Variants in RNF216 observed in about 807,000 individuals in gnomAD.
The protein encoded by RNF216 is E3 ubiquitin-protein ligase RNF216.
RNF216 carries 72 observed loss-of-function variants against 110.8 expected under a neutral mutation model. That is an observed-to-expected ratio of 0.65 (90% CI 0.54 to 0.79). The LOEUF is 0.79. RNF216 is among the 30% of genes least tolerant of loss of function. The pLI is 0.00. For missense variants in RNF216, 1,342 were observed against 1,141.2 expected, an observed-to-expected ratio of 1.18 and a Z score of -2.54; for synonymous variants, 495 against 407.5, an observed-to-expected ratio of 1.21 and a Z score of -2.59.
intron 1 of RNF216, among the ~76,000 whole-genome samples, chr7:5,764,772 G>C (rs1796114085): frequency 6.6e-6 from 1 of 152,030 alleles, no homozygotes; most frequent in Non-Finnish European, 1.5e-5. Context: ...TCTTTTTCAA[G>C]AGTAAGGGTA....
Position 5,721,101 on chromosome 7 carries a change from G to A in RNF216, c.1576C>T (p.Arg526Cys), listed in dbSNP as rs750372582. 1.1e-5 allele frequency: 18 copies of A among 1,613,894 alleles called. No individual in the cohort carries two copies. Among genetic ancestry groups the A allele is most frequent in the Middle Eastern group, 1.6e-4 (1 of 6,062 alleles). The change falls in exon 9 of 17, where the codon CGT becomes TGT. Residue 526 changes from arginine to cysteine, a missense_variant. Arg to Cys is a radical substitution (Grantham distance 180). Transcript: ENST00000389902. ...KRRHCRSYDR[R>C]ALLPAVQQEQ... is the part of the protein sequence containing the mutation. ...TGTTGCACAGCTGGAAGGAGAGCAC[G>A]TCGGTCATAGGACCTACAATGTCGT...
chr7:5,643,578 G>A (rs1787872968), intron 14 of RNF216, among the ~76,000 whole-genome samples: 1 of 152,130 alleles, frequency 6.6e-6, no homozygotes, highest in Non-Finnish European at 1.5e-5. Flanking sequence ...CTCTCTGGGA[G>A]CCATATTCTG....
At chr7:5,701,617 C>T (rs1022701445) in intron 13 of RNF216, among the ~76,000 whole-genome samples, 1 of 152,228 alleles carries the variant, frequency 6.6e-6, no homozygotes, top group African/African-American at 2.4e-5. Flanking sequence ...ATCAAGTATT[C>T]ACCCTATGTC....
At chr7:5,674,081 G>A (rs1289156085) in intron 13 of RNF216, among the ~76,000 whole-genome samples, 1 of 151,654 alleles carries the variant, frequency 6.6e-6, no homozygotes, top group Non-Finnish European at 1.5e-5. Flanking sequence ...CCAGGCTGGA[G>A]TGCAATGGCG....
intron 1 of RNF216, among the ~76,000 whole-genome samples, chr7:5,773,259 T>C (rs78336098): frequency 1.3e-5 from 2 of 152,076 alleles, no homozygotes; most frequent in East Asian, 1.9e-4. Flanking sequence ...TTTTTTTTTT[T>C]TGAGACAGAG....
At chr7:5,689,166 G>T (rs1264480245) in intron 13 of RNF216, among the ~76,000 whole-genome samples, 1 of 151,996 alleles carries the variant, frequency 6.6e-6, no homozygotes, top group African/African-American at 2.4e-5. Context: ...GGTGGAAGGG[G>T]GTCCTGGAGT....
chr7:5,780,295 G>A (rs1254977607), intron 1 of RNF216: 1 of 152,166 alleles, frequency 6.6e-6, no homozygotes, highest in Non-Finnish European at 1.5e-5. Flanking sequence ...AGGTGCATGT[G>A]AGGGCCACTG....
intron 1 of RNF216, among the ~76,000 whole-genome samples, chr7:5,777,241 A>G (rs760244555): frequency 2.6e-5 from 4 of 152,246 alleles, no homozygotes; most frequent in Admixed American, 1.3e-4. Flanking sequence ...AAAATGGCCC[A>G]GGTGAGCACT....
chr7:5,715,883 A>C (rs1793029185), intron 10 of RNF216, among the ~76,000 whole-genome samples: 1 of 150,974 alleles, frequency 6.6e-6, no homozygotes, highest in South Asian at 2.1e-4. Flanking sequence ...TGGGGATTAC[A>C]GGCACCCGCC....
intron 13 of RNF216, among the ~76,000 whole-genome samples, chr7:5,692,948 T>C (rs1439210404): frequency 6.6e-6 from 1 of 152,228 alleles, no homozygotes; most frequent in Non-Finnish European, 1.5e-5. Context: ...CAAATAGATT[T>C]TATGTCTGTG....
At chr7:5,729,405 C>A (rs753214122) in intron 7 of RNF216, 27 bp downstream of exon 7, 2 of 1,611,228 alleles carry the variant, frequency 1.2e-6, no homozygotes, top group Admixed American at 1.7e-5. Flanking sequence ...AGAGGTGTGA[C>A]CCCAACAGGA....
chr7:5,638,088 C>T (rs1322824627), intron 15 of RNF216, among the ~76,000 whole-genome samples: 1 of 152,178 alleles, frequency 6.6e-6, no homozygotes, highest in Non-Finnish European at 1.5e-5. Context: ...GCCTCCTAGA[C>T]CCAGACGTCT....
At chr7:5,690,620 C>A (rs1791275294) in intron 13 of RNF216, among the ~76,000 whole-genome samples, 1 of 152,204 alleles carries the variant, frequency 6.6e-6, no homozygotes, top group Non-Finnish European at 1.5e-5. Context: ...CATCACATAA[C>A]CCTAAATAGT....
At position 5,660,343 on chromosome 7, in the gene RNF216, G is replaced by T. The variant is rs555844197; in HGVS notation, c.2062-7833C>A. Among the ~76,000 whole-genome samples, 7 of 122,920 alleles carry T rather than the reference G, an allele frequency of 5.7e-5. No homozygotes were observed. In the South Asian group the frequency reaches 1.8e-3, roughly 32 times the overall value. 80.6% of individuals were successfully genotyped at this position (122,920 alleles called of 152,430 possible). On this transcript the variant is annotated intron_variant, in intron 13 of 16. Coordinates refer to ENST00000389902, the MANE Select transcript of RNF216 (RefSeq NM_207111.4). Reference sequence around the variant, plus strand: ...AGTCTCGCTTTGTCACCAGGCTAGAGTGCAGTGGCGCAATCTCGGCTCACT... The same window carrying T: ...AGTCTCGCTTTGTCACCAGGCTAGATTGCAGTGGCGCAATCTCGGCTCACT...
At chr7:5,759,393 TGATGAAGATGAA>T (rs1346931344) in intron 2 of RNF216, among the ~76,000 whole-genome samples, 2 of 152,190 alleles carry the variant, frequency 1.3e-5, no homozygotes, top group Non-Finnish European at 2.9e-5. Flanking sequence ...AATGTGAGGA[TGATGAAGATGAA>T]GACCTTTAGA....
Position 5,711,960 on chromosome 7 carries a change from A to T in RNF216, c.1983-121T>A, listed in dbSNP as rs868202068. On this transcript the variant is annotated intron_variant, in intron 12 of 16. Transcript: ENST00000389902. The stretch of plus-strand genomic sequence containing the variant: ...AGCTGGACATTCACATCCCCTTTAT[A>T]CTCCTTAGTTTTCCTTAAAAACACA... 25 of 771,864 alleles carry T rather than the reference A, an allele frequency of 3.2e-5. No homozygotes were observed. The Admixed American group carries it at 5.0e-4, about 15-fold the overall frequency. The allele number at this position is 771,864 out of a possible 1,614,324, so 47.8% of individuals were successfully genotyped here. A position where few individuals can be genotyped will look rare whatever the true frequency, so the allele number is the denominator to read the frequency against.
rs1352661491 is a variant in RNF216 at position 5,622,084 on chromosome 7, G to C, written c.*776C>G. On this transcript the variant is annotated 3_prime_UTR_variant, in exon 17 of 17. Transcript: ENST00000389902. ...CCCCCAGCAGTTGGGCTGCCCAGCA[G>C]GGCCACCAGGCCTCTGTCCCAGCTG... 1 of 152,390 alleles carries C rather than the reference G, an allele frequency of 6.6e-6. No homozygotes were observed. Among genetic ancestry groups the C allele is most frequent in the Non-Finnish European group, 1.5e-5 (1 of 68,184 alleles). The allele number at this position is 152,390 out of a possible 1,614,324, so 9.4% of individuals were successfully genotyped here.
At chr7:5,730,960 A>G in intron 5 of RNF216, 143 bp from the exon 6 acceptor site, 1 of 1,288,142 alleles carries the variant, frequency 7.8e-7, no homozygotes, top group African/African-American at 1.5e-5. Flanking sequence ...TGTAGCCCAG[A>G]AAAACTAAAC....
At chr7:5,693,748 A>G (rs1015846504) in intron 13 of RNF216, among the ~76,000 whole-genome samples, 1 of 152,190 alleles carries the variant, frequency 6.6e-6, no homozygotes, top group Non-Finnish European at 1.5e-5. Context: ...TGCCTGAAGC[A>G]TACTGTGACC....
Sources: allele counts gnomAD v4.1 joint callset (sites outside exome capture counted in the v4.1 genomes callset), GRCh38; gene constraint gnomAD v4.1.1; transcripts MANE v1.5; gene names NCBI Gene and HGNC (gene_info 2026-07-23, HGNC 2026-07-21).